SLC12A4: variants seen among roughly 807,000 people sequenced by gnomAD.
SLC12A4 encodes solute carrier family 12 member 4, also known as electroneutral potassium-chloride cotransporter 1.
Under a neutral mutation model 119.2 loss-of-function variants are expected in SLC12A4, and 84 were observed. The ratio of observed to expected loss-of-function variants is 0.70; its 90% confidence interval spans 0.59 to 0.85. SLC12A4 has a LOEUF of 0.85. Ranked by LOEUF, SLC12A4 falls within the 40% of genes least tolerant of loss-of-function variation. The pLI is 0.00. For missense variants in SLC12A4, 1,298 were observed against 1,476.3 expected, an observed-to-expected ratio of 0.88 and a Z score of 1.98; for synonymous variants, 599 against 604.6, an observed-to-expected ratio of 0.99 and a Z score of 0.14.
Position 67,952,230 on chromosome 16 carries a change from T to C in SLC12A4, c.871A>G (p.Ile291Val). The change falls in exon 7 of 24, where the codon ATC becomes GTC. Residue 291 changes from isoleucine (I) to valine (V), a missense_variant. Coordinates refer to ENST00000316341, the MANE Select transcript of SLC12A4 (RefSeq NM_005072.5). ...LACVIISILS[I>V]YAGGIKSIFD... ...ATAGACTTTATGCCCCCAGCATAGA[T>C]GGAGAGGATGGAGATGATCACACAG... 2 of 1,613,960 alleles carry C rather than the reference T, an allele frequency of 1.2e-6. No individual in the cohort carries two copies. Among genetic ancestry groups the C allele is most frequent in the Non-Finnish European group, 1.7e-6 (2 of 1,180,008 alleles).
In SLC12A4 at chr16:67,951,554, C is replaced by T; in HGVS notation, c.1133-250G>A. 1 of 609,610 alleles carries T rather than the reference C, an allele frequency of 1.6e-6. No individual in the cohort carries two copies. Among genetic ancestry groups the T allele is most frequent in the South Asian group, 2.0e-5 (1 of 49,892 alleles). 37.8% of individuals were successfully genotyped at this position (609,610 alleles called of 1,614,324 possible). On this transcript the variant is annotated intron_variant, in intron 8 of 23. Coordinates refer to ENST00000316341, the MANE Select transcript of SLC12A4 (RefSeq NM_005072.5). The surrounding 1 kb of genome is among the most constrained non-coding windows in gnomAD (Gnocchi z 5.2). The stretch of plus-strand genomic sequence containing the variant: ...GCCACTGCCCGCCTTCCACAGAGGC[C>T]TTTATGGATCCTGTGGGAACATCCC...
At chr16:67,955,256 A>G (rs768676099) in intron 5 of SLC12A4, among the ~76,000 whole-genome samples, 2 of 152,250 alleles carry the variant, frequency 1.3e-5, no homozygotes, top group Non-Finnish European at 2.9e-5. Context: ...CCTGCCCTGA[A>G]TCTGTGCTTC....
chr16:67,944,097 C>T lies in SLC12A4; in HGVS notation c.*743G>A. 6.5e-7 allele frequency: 1 copy of T among 1,547,408 alleles called. No individual in the cohort carries two copies. Among genetic ancestry groups the T allele is most frequent in the Non-Finnish European group, 8.7e-7 (1 of 1,145,986 alleles). On this transcript the variant is annotated 3_prime_UTR_variant, in exon 24 of 24. Transcript: ENST00000316341. The surrounding 1 kb of genome is among the most constrained non-coding windows in gnomAD (Gnocchi z 6.6). ...CCACTGCCATGGGGAGCCGGGCGGC[C>T]CCATTCCAGCCCTGGTGCCTACTGC...
At chr16:67,955,134 C>T (rs2030179952) in intron 5 of SLC12A4, among the ~76,000 whole-genome samples, 1 of 152,250 alleles carries the variant, frequency 6.6e-6, no homozygotes, top group Non-Finnish European at 1.5e-5. Context: ...CCTCCTGAGG[C>T]CTGTGCCTTT....
In SLC12A4 at chr16:67,946,332, G is replaced by T. The variant is rs747319073; in HGVS notation, c.2446C>A (p.Arg816Ser). The part of the protein sequence containing the change: ...RAWKTFIDTV[R>S]CTTAAHLALL... ...GCCAGGTGGGCAGCCGTAGTGCAGC[G>T]CACGGTGTCTGGGGAGGAGGAGCAC... Residue 816 changes from arginine (R) to serine (S), a missense_variant, in exon 19 of 24, where the codon CGC (arginine) becomes AGC (serine). Arg to Ser is a moderately radical substitution (Grantham distance 110). Coordinates refer to ENST00000316341, the MANE Select transcript of SLC12A4 (RefSeq NM_005072.5). The T allele has an allele frequency of 9.9e-6, 16 of 1,609,520 alleles. No individual in the cohort carries two copies. Among genetic ancestry groups the T allele is most frequent in the Non-Finnish European group, 1.4e-5 (16 of 1,180,016 alleles).
In SLC12A4 at chr16:67,949,097, C is replaced by A. The variant is rs1270463482; in HGVS notation, c.1748+703G>T. On this transcript the variant is annotated intron_variant, in intron 13 of 23. Coordinates refer to ENST00000316341, the MANE Select transcript of SLC12A4 (RefSeq NM_005072.5). The surrounding 1 kb of genome is among the most constrained non-coding windows in gnomAD (Gnocchi z 4.6). ...GTCACCACATGCTGGCCACTCCCTG[C>A]AAGGCACTGGCACGCAGATTTGCCT... 2.0e-5 allele frequency among the ~76,000 whole-genome samples: 3 copies of A among 152,182 alleles called. No individual in the cohort carries two copies. The highest frequency in any genetic ancestry group is 6.5e-5 in the Admixed American group (1 of 15,280).
Position 67,945,774 on chromosome 16 carries a change from C to T in SLC12A4, c.2837G>A (p.Arg946Gln), listed in dbSNP as rs765630619. ...ACAAAGGGCACTGACTTCTCGCTCC[C>T]GCTCAGTCTTGGTCAGTCTCATCTG... The part of the protein sequence containing the change: ...LRQMRLTKTE[R>Q]EREAQLVKDR... The change falls in exon 21 of 24, where the codon CGG becomes CAG. Residue 946 changes from arginine (R) to glutamine (Q), a missense_variant. Coordinates refer to ENST00000316341, the MANE Select transcript of SLC12A4 (RefSeq NM_005072.5). 27 of 1,613,274 alleles carry T rather than the reference C, an allele frequency of 1.7e-5. No homozygotes were observed. Among genetic ancestry groups the T allele is most frequent in the Non-Finnish European group, 2.0e-5 (24 of 1,179,922 alleles).
intron 3 of SLC12A4, among the ~76,000 whole-genome samples, chr16:67,959,825 C>T (rs1331868681): frequency 6.6e-6 from 1 of 152,244 alleles, no homozygotes; most frequent in Non-Finnish European, 1.5e-5. Context: ...GGAGCAGCTG[C>T]TGGGGAGAGG....
At chr16:67,963,380 C>CA in intron 2 of SLC12A4, 85 bp downstream of exon 2, 1 of 811,862 alleles carries the variant, frequency 1.2e-6, no homozygotes, top group Non-Finnish European at 2.0e-6. Flanking sequence ...AAGAGCAAGA[C>CA]AGAGGAGGCC....
intron 2 of SLC12A4, 106 bp downstream of exon 2, chr16:67,963,359 G>A (rs755809599): frequency 3.1e-6 from 2 of 650,556 alleles, no homozygotes; most frequent in Non-Finnish European, 5.2e-6. Context: ...AACACAAGAG[G>A]AGATGAGAGG....
In SLC12A4 at chr16:67,963,571, G is replaced by T. The variant is rs1598231865; in HGVS notation, c.116-12C>A. On this transcript the variant is annotated splice_polypyrimidine_tract_variant and intron_variant, in intron 1 of 23. Coordinates refer to ENST00000316341, the MANE Select transcript of SLC12A4 (RefSeq NM_005072.5). ...GTGGTTGCCATGTCCTGTGAAGAGA[G>T]AGGGACAATCAGGGCCTGCTTCCTG... The T allele has an allele frequency of 3.9e-6, 6 of 1,551,166 alleles. No homozygotes were observed. The highest frequency in any genetic ancestry group is 4.3e-6 in the Non-Finnish European group (5 of 1,152,070).
chr16:67,961,716 G>C lies in SLC12A4; in HGVS notation c.211-10C>G, dbSNP rs1317800654. 6.2e-7 allele frequency: 1 copy of C among 1,613,970 alleles called. No individual in the cohort carries two copies. Among genetic ancestry groups the C allele is most frequent in the Non-Finnish European group, 8.5e-7 (1 of 1,179,920 alleles). On this transcript the variant is annotated splice_polypyrimidine_tract_variant and intron_variant, in intron 2 of 23. Coordinates refer to ENST00000316341, the MANE Select transcript of SLC12A4 (RefSeq NM_005072.5). Reference sequence around the variant, plus strand: ...GGATGTCCAGCTCTTCCTGCAAACAGAGCCACAGGGCAAGATGGCATTGGG... The same window carrying C: ...GGATGTCCAGCTCTTCCTGCAAACACAGCCACAGGGCAAGATGGCATTGGG...
chr16:67,956,335 C>A (rs927960181), intron 5 of SLC12A4, among the ~76,000 whole-genome samples: 30 of 152,200 alleles, frequency 2.0e-4, no homozygotes, highest in African/African-American at 7.0e-4. Flanking sequence ...AACCCACAGG[C>A]AGGAGAATAA....
chr16:67,947,450 A>G lies in SLC12A4; in HGVS notation c.1968-15T>C, dbSNP rs1245315015. On this transcript the variant is annotated splice_polypyrimidine_tract_variant and intron_variant, in intron 15 of 23. Coordinates refer to ENST00000316341, the MANE Select transcript of SLC12A4 (RefSeq NM_005072.5). The stretch of plus-strand genomic sequence containing the variant: ...CCTTCTCAGCCCTGCAGATTCCACC[A>G]CAGCTGGTGAGCCCCTGGTGCCGCC... The G allele has an allele frequency of 1.2e-6, 2 of 1,608,016 alleles. No homozygotes were observed. Among genetic ancestry groups the G allele is most frequent in the Admixed American group, 1.7e-5 (1 of 59,802 alleles).
chr16:67,961,932 G>A (rs1472593533), intron 2 of SLC12A4, among the ~76,000 whole-genome samples: 2 of 152,184 alleles, frequency 1.3e-5, no homozygotes, highest in African/African-American at 4.8e-5. Context: ...TCTCTACCCC[G>A]CCTTGGCTAC....
chr16:67,952,835 C>T (rs2030006740), intron 6 of SLC12A4, among the ~76,000 whole-genome samples: 1 of 151,974 alleles, frequency 6.6e-6, no homozygotes, highest in Admixed American at 6.6e-5. Flanking sequence ...CGCCTGTAAT[C>T]CCAGCACTTT....
At chr16:67,963,800 G>A in intron 1 of SLC12A4, 2 of 1,282,882 alleles carry the variant, frequency 1.6e-6, no homozygotes, top group Non-Finnish European at 2.1e-6. Flanking sequence ...ATCCAGGTGA[G>A]GGCGCAGGCG....
chr16:67,962,193 C>G (rs924475865), intron 2 of SLC12A4: 17 of 154,308 alleles, frequency 1.1e-4, no homozygotes, highest in African/African-American at 4.1e-4. Context: ...CTGCCCAAAC[C>G]CTGATCTCCC....
At chr16:67,946,405 C>A (rs535014439) in intron 18 of SLC12A4, 33 bp downstream of exon 18, 1 of 1,602,988 alleles carries the variant, frequency 6.2e-7, no homozygotes, top group South Asian at 1.1e-5. Flanking sequence ...CCTCACTTCA[C>A]CCCTGCCCAC....
Sources: allele counts gnomAD v4.1 joint callset (sites outside exome capture counted in the v4.1 genomes callset), GRCh38; gene constraint gnomAD v4.1.1; non-coding constraint Gnocchi (gnomAD v3.1); transcripts MANE v1.5; gene names NCBI Gene and HGNC (gene_info 2026-07-23, HGNC 2026-07-21).